REC114: variants seen among roughly 807,000 people sequenced by gnomAD.
REC114 encodes the protein REC114 meiotic recombination protein.
REC114 carries 27 observed loss-of-function variants against 31.3 expected under a neutral mutation model. The observed-to-expected ratio is 0.86, with a 90% confidence interval of 0.64 to 1.19. REC114 has a LOEUF of 1.19. REC114 is among the 50% of genes most tolerant of loss of function. The probability of loss-of-function intolerance (pLI) is 0.00; values close to 1 mark genes in which losing one functional copy is unlikely to be tolerated. For synonymous variants in REC114, 134 were observed against 127.7 expected (o/e 1.05, Z -0.33); for missense variants, 344 against 326.9 (o/e 1.05, Z -0.40).
At chr15:73,491,065 G>A (rs1466450202) in intron 2 of REC114, among the ~76,000 whole-genome samples, 2 of 124,716 alleles carry the variant, frequency 1.6e-5, no homozygotes, top group Non-Finnish European at 1.8e-5. Flanking sequence ...TTCATTTTAT[G>A]GATGTACCAC....
intron 2 of REC114, among the ~76,000 whole-genome samples, chr15:73,501,397 G>T (rs1029686707): frequency 2.6e-5 from 4 of 152,180 alleles, no homozygotes; most frequent in Non-Finnish European, 5.9e-5. Flanking sequence ...GGTTCCAAAT[G>T]GTGATAAGAG....
At chr15:73,475,152 A>G (rs1488446946) in intron 2 of REC114, among the ~76,000 whole-genome samples, 3 of 152,212 alleles carry the variant, frequency 2.0e-5, no homozygotes, top group Non-Finnish European at 2.9e-5. Flanking sequence ...CGGGCATATT[A>G]GACCACCCCA....
intron 2 of REC114, among the ~76,000 whole-genome samples, chr15:73,527,301 T>G (rs571232054): frequency 6.6e-6 from 1 of 152,220 alleles, no homozygotes; most frequent in South Asian, 2.1e-4. Flanking sequence ...TATGTACAGA[T>G]AGCTATTCAG....
chr15:73,484,541 A>G (rs1014400326), intron 2 of REC114, among the ~76,000 whole-genome samples: 1 of 152,198 alleles, frequency 6.6e-6, no homozygotes, highest in African/African-American at 2.4e-5. Context: ...TTAAAAACAC[A>G]TTCTCTTACA....
chr15:73,547,522 G>A (rs1894326879), intron 3 of REC114, among the ~76,000 whole-genome samples: 1 of 152,174 alleles, frequency 6.6e-6, no homozygotes, highest in Non-Finnish European at 1.5e-5. Context: ...GCTACCATAT[G>A]ATCCAGCAAT....
chr15:73,543,190 T>G (rs1566948654), intron 3 of REC114, among the ~76,000 whole-genome samples: 1 of 152,208 alleles, frequency 6.6e-6, no homozygotes, highest in Non-Finnish European at 1.5e-5. Flanking sequence ...ATCACCTGCT[T>G]CTTTTGCCTA....
chr15:73,514,165 G>A (rs1045295947), intron 2 of REC114, among the ~76,000 whole-genome samples: 1 of 151,432 alleles, frequency 6.6e-6, no homozygotes, highest in Non-Finnish European at 1.5e-5. Flanking sequence ...TTTTTAAGCC[G>A]GTCTGAAAAG....
intron 2 of REC114, among the ~76,000 whole-genome samples, chr15:73,486,972 G>T (rs1258893146): frequency 2.0e-5 from 3 of 151,682 alleles, no homozygotes; most frequent in African/African-American, 7.3e-5. Context: ...GGTGAGCCGA[G>T]ATCGCACCAT....
At chr15:73,483,306 T>A (rs1893320687) in intron 2 of REC114, 1 of 155,718 alleles carries the variant, frequency 6.4e-6, no homozygotes, top group Admixed American at 6.5e-5. Context: ...TTTTAAAGGC[T>A]GTTTTTGCTT....
Position 73,529,045 on chromosome 15 carries a change from T to C in REC114, c.250-11440T>C, listed in dbSNP as rs115739947. 5.0e-3 allele frequency among the ~76,000 whole-genome samples: 767 copies of C among 152,270 alleles called. 9 individuals are homozygous for C. Among genetic ancestry groups the C allele is most frequent in the African/African-American group, 0.018 (741 of 41,552 alleles). ...ACAGCAACAAAGATACTTGATGATA[T>C]TACGGAATTGTTAATTTTTAAAGGT... On this transcript the variant is annotated intron_variant, in intron 2 of 5. Transcript: ENST00000331090.
At chr15:73,466,507 T>C (rs2151255997) in intron 1 of REC114, among the ~76,000 whole-genome samples, 1 of 152,272 alleles carries the variant, frequency 6.6e-6, no homozygotes, top group African/African-American at 2.4e-5. Context: ...TGAGCCAAGA[T>C]GGTGCCATTG....
chr15:73,476,520 G>A (rs1215801433), intron 2 of REC114, among the ~76,000 whole-genome samples: 2 of 152,092 alleles, frequency 1.3e-5, no homozygotes, highest in Non-Finnish European at 2.9e-5. Context: ...TATTTACTGT[G>A]TACGTTATTT....
In REC114 at chr15:73,475,630, A is replaced by G. The variant is rs553437064; in HGVS notation, c.249+1709A>G. On this transcript the variant is annotated intron_variant, in intron 2 of 5. Transcript: ENST00000331090. ...GTTTTTTAAAATTTTTTTGAAGTTT[A>G]TAATGTAAAAATGTTACAGTAAGCT... Among the ~76,000 whole-genome samples, 15 of 152,362 alleles carry G rather than the reference A, an allele frequency of 9.8e-5. 1 individual carries two copies. Among genetic ancestry groups the G allele is most frequent in the African/African-American group, 3.6e-4 (15 of 41,586 alleles).
At chr15:73,468,311 T>C (rs1427828910) in intron 1 of REC114, among the ~76,000 whole-genome samples, 1 of 152,208 alleles carries the variant, frequency 6.6e-6, no homozygotes, top group East Asian at 1.9e-4. Flanking sequence ...TCTTTTGTCA[T>C]ATTTATCCCT....
chr15:73,549,603 C>T (rs1034949759), intron 3 of REC114, among the ~76,000 whole-genome samples: 8 of 152,138 alleles, frequency 5.3e-5, no homozygotes, highest in Non-Finnish European at 4.4e-5. Context: ...AATATATACA[C>T]ACCTATGTAC....
chr15:73,559,679 A>G (rs1894545485), intron 5 of REC114, 73 bp from the exon 6 acceptor site: 28 of 1,375,174 alleles, frequency 2.0e-5, no homozygotes, highest in Non-Finnish European at 2.5e-5. Flanking sequence ...TTAAAGCACT[A>G]TTTGCCTGTG....
intron 1 of REC114, among the ~76,000 whole-genome samples, 194 bp from the exon 2 acceptor site, chr15:73,473,638 T>A (rs1893165861): frequency 6.6e-6 from 1 of 152,332 alleles, no homozygotes. Context: ...TTTAAAAGTC[T>A]GGCTGTTAGC....
intron 2 of REC114, among the ~76,000 whole-genome samples, chr15:73,505,323 C>T (rs1187399158): frequency 1.3e-5 from 2 of 152,138 alleles, no homozygotes; most frequent in Non-Finnish European, 2.9e-5. Flanking sequence ...ATTGGTCAGG[C>T]TCTACCATGT....
In REC114 at chr15:73,491,983, C is replaced by G. The variant is rs541574923; in HGVS notation, c.249+18062C>G. Reference sequence around the variant, plus strand: ...TCAAGTTGCTCTATAATCTTGCTAACAGTGGTACTGTCAGTCTTTATAATT... The same window carrying G: ...TCAAGTTGCTCTATAATCTTGCTAAGAGTGGTACTGTCAGTCTTTATAATT... On this transcript the variant is annotated intron_variant, in intron 2 of 5. Transcript: ENST00000331090. Among the ~76,000 whole-genome samples the G allele has an allele frequency of 1.2e-3, 181 of 152,208 alleles. 1 individual carries two copies. Among genetic ancestry groups the G allele is most frequent in the African/African-American group, 4.1e-3 (172 of 41,542 alleles).
Sources: gnomAD v4.1 joint callset for allele counts (sites outside exome capture counted in the v4.1 genomes callset) on GRCh38, gnomAD v4.1.1 for gene constraint, MANE v1.5 for transcripts, NCBI Gene and HGNC (gene_info 2026-07-23, HGNC 2026-07-21) for gene names.